CDH23: variants seen among roughly 807,000 people sequenced by gnomAD.
CDH23 encodes cadherin-23.
Under a neutral mutation model 317.1 loss-of-function variants are expected in CDH23, and 189 were observed. The ratio of observed to expected loss-of-function variants is 0.60; its 90% CI spans 0.53 to 0.67. CDH23 has a LOEUF of 0.67. CDH23 is among the 30% of genes least tolerant of loss of function. The pLI, the probability that CDH23 is intolerant of heterozygous loss-of-function variation, is 0.00. For synonymous variants in CDH23, 1,839 were observed against 1,876.8 expected (o/e 0.98, Z 0.52); for missense variants, 4,401 against 4,592.4 (o/e 0.96, Z 1.20).
chr10:71,593,784 C>T (rs1859658640), intron 9 of CDH23, among the ~76,000 whole-genome samples: 2 of 152,196 alleles, frequency 1.3e-5, no homozygotes, highest in African/African-American at 4.8e-5. Context: ...GCCAAATCCT[C>T]CCTGTTTTTG....
chr10:71,806,265 T>C lies in CDH23; in HGVS notation c.8162T>C (p.Leu2721Pro). The C allele has an allele frequency of 6.4e-7, 1 of 1,560,708 alleles. No homozygotes were observed. Among genetic ancestry groups the C allele is most frequent in the Non-Finnish European group, 8.7e-7 (1 of 1,152,958 alleles). ...GAGGACATCGATGACAACGAACCCCTTTTCGTGAGGCCTCCAGTGAGCTTG... is the reference window on the plus strand; with the variant it reads ...GAGGACATCGATGACAACGAACCCCCTTTCGTGAGGCCTCCAGTGAGCTTG... Reference protein sequence around the residue: ...ALEDIDDNEPLFVRPPKGSPQ... With the variant: ...ALEDIDDNEPPFVRPPKGSPQ... Residue 2721 changes from leucine to proline, a missense_variant, in exon 57 of 70, where the codon CTT becomes CCT. Physicochemically the swap from Leu to Pro is moderately conservative, Grantham distance 98 (BLOSUM62 -3). This residue lies in a region of CDH23 where 1,144 missense variants were observed against 1,138.2 expected (regional missense o/e 1.01). Coordinates refer to ENST00000224721, the MANE Select transcript of CDH23 (RefSeq NM_022124.6).
chr10:71,540,996 G>T (rs1288817219), intron 6 of CDH23, among the ~76,000 whole-genome samples: 1 of 151,908 alleles, frequency 6.6e-6, no homozygotes, highest in Non-Finnish European at 1.5e-5. Flanking sequence ...CATCCCTCTG[G>T]TGGTCAGGAG....
Position 71,578,001 on chromosome 10 carries a change from G to GA in CDH23, c.832+11dup. The GA allele has an allele frequency of 6.3e-7, 1 of 1,588,202 alleles. No individual in the cohort carries two copies. Among genetic ancestry groups the GA allele is most frequent in the East Asian group, 2.3e-5 (1 of 43,548 alleles). On this transcript the variant is annotated intron_variant, in intron 9 of 69. Coordinates refer to ENST00000224721, the MANE Select transcript of CDH23 (RefSeq NM_022124.6). ...CTACACCATCGTTTCAGGTAAGACA[G>GA]AAGGCTGCCCCTCTCTCCTCTCACC...
intron 2 of CDH23, among the ~76,000 whole-genome samples, chr10:71,442,458 G>A (rs1031305732): frequency 6.6e-6 from 1 of 151,986 alleles, no homozygotes. Context: ...CACTGCCCTC[G>A]CCACTTTGTT....
chr10:71,503,681 C>T (rs115064974), intron 3 of CDH23, among the ~76,000 whole-genome samples: 2,606 of 152,234 alleles, frequency 0.017, 60 homozygotes, highest in African/African-American at 0.054. Flanking sequence ...AGAGAGAGGA[C>T]TGTGAAGACA....
intron 38 of CDH23, among the ~76,000 whole-genome samples, chr10:71,761,136 T>C (rs1342880942): frequency 6.6e-6 from 1 of 152,154 alleles, no homozygotes; most frequent in Non-Finnish European, 1.5e-5. Flanking sequence ...CAGGGGCATG[T>C]GAATACCCGC....
intron 9 of CDH23, among the ~76,000 whole-genome samples, chr10:71,610,390 C>T (rs1028640808): frequency 6.6e-6 from 1 of 152,206 alleles, no homozygotes; most frequent in Non-Finnish European, 1.5e-5. Context: ...ATCCTATTTC[C>T]TTGCCCCATA....
chr10:71,670,455 G>T (rs1308709892), intron 14 of CDH23, among the ~76,000 whole-genome samples: 1 of 152,242 alleles, frequency 6.6e-6, no homozygotes, highest in Non-Finnish European at 1.5e-5. Context: ...AGGAATGGCA[G>T]ATTCTGCCAC....
chr10:71,513,635 G>A (rs1265792569), intron 6 of CDH23, among the ~76,000 whole-genome samples: 1 of 152,180 alleles, frequency 6.6e-6, no homozygotes, highest in Non-Finnish European at 1.5e-5. Flanking sequence ...TTCCAGCAGA[G>A]TCTGGCTGAG....
At chr10:71,414,162 A>G (rs889479534) in intron 1 of CDH23, among the ~76,000 whole-genome samples, 1 of 151,734 alleles carries the variant, frequency 6.6e-6, no homozygotes, top group African/African-American at 2.4e-5. Context: ...TCCAATTTGC[A>G]CACCTTTTCT....
At chr10:71,594,842 G>GT (rs1387539648) in intron 9 of CDH23, among the ~76,000 whole-genome samples, 2 of 152,130 alleles carry the variant, frequency 1.3e-5, no homozygotes, top group Non-Finnish European at 2.9e-5. Context: ...CCCCATTTTC[G>GT]TAGTGACAAA....
chr10:71,665,526 G>A (rs1863850601), intron 14 of CDH23, among the ~76,000 whole-genome samples: 1 of 152,218 alleles, frequency 6.6e-6, no homozygotes, highest in Admixed American at 6.5e-5. Flanking sequence ...CTTAGCAGAG[G>A]GACCTGTGGG....
intron 18 of CDH23, among the ~76,000 whole-genome samples, chr10:71,682,965 C>T (rs1463760120): frequency 6.6e-6 from 1 of 151,342 alleles, no homozygotes; most frequent in Non-Finnish European, 1.5e-5. Flanking sequence ...CATCTTCTCC[C>T]TTCTCTCTCT....
intron 2 of CDH23, among the ~76,000 whole-genome samples, chr10:71,442,184 C>T (rs1472342062): frequency 6.6e-6 from 1 of 152,170 alleles, no homozygotes; most frequent in Non-Finnish European, 1.5e-5. Flanking sequence ...CAAGGTCACC[C>T]AGCAATTCTA....
intron 11 of CDH23, among the ~76,000 whole-genome samples, chr10:71,643,161 C>T (rs1862646321): frequency 6.6e-6 from 1 of 152,136 alleles, no homozygotes; most frequent in Non-Finnish European, 1.5e-5. Context: ...AGACTGGACA[C>T]AGAGCAATGT....
Position 71,690,596 on chromosome 10 carries a change from C to T in CDH23, c.2176+12C>T, listed in dbSNP as rs371967419. 1.8e-4 allele frequency: 286 copies of T among 1,553,770 alleles called. No individual in the cohort carries two copies. The highest frequency in any genetic ancestry group is 3.3e-4 in the Middle Eastern group (2 of 5,974). On this transcript the variant is annotated intron_variant, in intron 20 of 69. Coordinates refer to ENST00000224721, the MANE Select transcript of CDH23 (RefSeq NM_022124.6). Reference sequence around the variant, plus strand: ...CAATGCCCGCTCAGGTGAGCCCCCCCACCCCAAGTACCCTGGTCCTCCACA... The same window carrying T: ...CAATGCCCGCTCAGGTGAGCCCCCCTACCCCAAGTACCCTGGTCCTCCACA...
chr10:71,743,234 G>A (rs889121531), intron 38 of CDH23, among the ~76,000 whole-genome samples: 2 of 152,138 alleles, frequency 1.3e-5, no homozygotes, highest in African/African-American at 2.4e-5. Context: ...TTACAAGGAA[G>A]GTGAAGAGTT....
chr10:71,638,266 T>C (rs1169177314), intron 11 of CDH23, among the ~76,000 whole-genome samples: 1 of 152,034 alleles, frequency 6.6e-6, no homozygotes, highest in African/African-American at 2.4e-5. Context: ...TCTCTTAACA[T>C]TGCGTCACGC....
intron 25 of CDH23, among the ~76,000 whole-genome samples, chr10:71,706,473 A>G (rs772422114): frequency 6.6e-6 from 1 of 152,100 alleles, no homozygotes; most frequent in Non-Finnish European, 1.5e-5. Context: ...GGGTGCTCAG[A>G]GGGCTGCATG....
Sources: gnomAD v4.1 joint callset for allele counts (sites outside exome capture counted in the v4.1 genomes callset) on GRCh38, gnomAD v4.1.1 for gene constraint, gnomAD v4.1.1 regional missense constraint, MANE v1.5 for transcripts, NCBI Gene and HGNC (gene_info 2026-07-23, HGNC 2026-07-21) for gene names.